CXCL17: variants seen among roughly 807,000 people sequenced by gnomAD.
The protein encoded by CXCL17 is C-X-C motif chemokine ligand 17.
Under a neutral mutation model 15.5 loss-of-function variants are expected in CXCL17, and 9 were observed. The ratio of observed to expected loss-of-function variants is 0.58; its 90% CI spans 0.35 to 1.01. The LOEUF is 1.01. Among genes scored for constraint, CXCL17 ranks in the 50% least tolerant of loss-of-function variants. The pLI is 0.02. For synonymous variants in CXCL17, 52 were observed against 52.3 expected, an observed-to-expected ratio of 0.99 and a Z score of 0.02; for missense variants, 133 against 138.2, an observed-to-expected ratio of 0.96 and a Z score of 0.19.
chr19:42,431,311 A>T (rs1351288892), intron 3 of CXCL17, among the ~76,000 whole-genome samples: 1 of 152,194 alleles, frequency 6.6e-6, no homozygotes, highest in African/African-American at 2.4e-5. Context: ...AATTCCTTAT[A>T]TATGTATTCT....
At chr19:42,433,956 T>C (rs1280524923) in intron 1 of CXCL17, 100 bp from the exon 2 acceptor site, 12 of 808,102 alleles carry the variant, frequency 1.5e-5, no homozygotes, top group Non-Finnish European at 2.4e-5. Context: ...CATTTTTCCA[T>C]TTTTACTTCA....
intron 1 of CXCL17, 44 bp from the exon 2 acceptor site, chr19:42,433,900 C>T: frequency 6.9e-7 from 1 of 1,442,090 alleles, no homozygotes; most frequent in Admixed American, 1.7e-5. Flanking sequence ...GGAAAGGGCA[C>T]AGAAATGATC....
At chr19:42,433,706 C>T in intron 2 of CXCL17, 70 bp downstream of exon 2, 1 of 1,336,772 alleles carries the variant, frequency 7.5e-7, no homozygotes, top group Admixed American at 1.7e-5. Context: ...GCATTGGTCT[C>T]AGAGGGGCCC....
intron 1 of CXCL17, among the ~76,000 whole-genome samples, chr19:42,437,874 T>A (rs999679868): frequency 2.0e-5 from 3 of 152,190 alleles, no homozygotes; most frequent in African/African-American, 7.2e-5. Context: ...TTTCCTAATT[T>A]GTAAGATGTG....
chr19:42,442,229 CTTTTTTTT>C (rs10527944), intron 1 of CXCL17, among the ~76,000 whole-genome samples: 1 of 122,108 alleles, frequency 8.2e-6, no homozygotes, highest in Non-Finnish European at 1.7e-5. Flanking sequence ...CTTTTCTTTC[CTTTTTTTT>C]TTTTTTTTTT....
chr19:42,429,644 G>A (rs1167354502), intron 3 of CXCL17, among the ~76,000 whole-genome samples: 1 of 151,990 alleles, frequency 6.6e-6, no homozygotes, highest in African/African-American at 2.4e-5. Flanking sequence ...TAATTTTTAT[G>A]AGAGTTTTAA....
At chr19:42,430,182 AC>A (rs1317420968) in intron 3 of CXCL17, among the ~76,000 whole-genome samples, 6 of 152,250 alleles carry the variant, frequency 3.9e-5, no homozygotes, top group Admixed American at 3.9e-4. Context: ...TGCAAAAAAA[AC>A]AACTGAATCT....
At chr19:42,432,955 A>T in intron 3 of CXCL17, 21 bp downstream of exon 3, 1 of 1,583,834 alleles carries the variant, frequency 6.3e-7, no homozygotes, top group Non-Finnish European at 8.7e-7. Flanking sequence ...GTATAAGGAA[A>T]ATCATCCTTT....
At chr19:42,438,119 G>A (rs1197753952) in intron 1 of CXCL17, among the ~76,000 whole-genome samples, 1 of 151,636 alleles carries the variant, frequency 6.6e-6, no homozygotes, top group Non-Finnish European at 1.5e-5. Flanking sequence ...AGCACTTTGG[G>A]AGGCCGAGGC....
rs34157586 is a variant in CXCL17, at chr19:42,438,354, C to CA, written c.79+4399dup. On this transcript the variant is annotated intron_variant, in intron 1 of 3. Coordinates refer to ENST00000601181, the MANE Select transcript of CXCL17 (RefSeq NM_198477.3). ...GCCTGGGCGACAAGAGACTCTGTCT[C>CA]AAAAAAAAAAAAAAAAAAAAAAAAA... Among the ~76,000 whole-genome samples, 121 of 17,462 alleles carry CA rather than the reference C, an allele frequency of 6.9e-3. 4 individuals carry two copies. Among genetic ancestry groups the CA allele is most frequent in the Non-Finnish European group, 8.2e-3 (102 of 12,450 alleles). 11.5% of individuals were successfully genotyped at this position (17,462 alleles called of 152,430 possible).
At chr19:42,431,772 C>T (rs2040783977) in intron 3 of CXCL17, among the ~76,000 whole-genome samples, 1 of 151,636 alleles carries the variant, frequency 6.6e-6, no homozygotes, top group Admixed American at 6.6e-5. Flanking sequence ...AGCTCCTTGG[C>T]TTACTGGATC....
chr19:42,435,043 G>A, intron 1 of CXCL17, among the ~76,000 whole-genome samples: 1 of 151,950 alleles, frequency 6.6e-6, no homozygotes, highest in Non-Finnish European at 1.5e-5. Flanking sequence ...GGCGGGCGTG[G>A]TGGCGGGCGC....
chr19:42,436,552 T>G lies in CXCL17; in HGVS notation c.80-2696A>C, dbSNP rs147306275. On this transcript the variant is annotated intron_variant, in intron 1 of 3. Transcript: ENST00000601181. ...AATTTTGAAAGTACAAACAGAGAAA[T>G]TATTATTCTTACCAACTGTTGGTAT... Among the ~76,000 whole-genome samples the G allele has an allele frequency of 3.9e-4, 59 of 152,110 alleles. 1 individual carries two copies. Among genetic ancestry groups the G allele is most frequent in the African/African-American group, 1.4e-3 (57 of 41,470 alleles).
intron 1 of CXCL17, among the ~76,000 whole-genome samples, chr19:42,435,301 A>G (rs1238811171): frequency 6.6e-6 from 1 of 152,170 alleles, no homozygotes; most frequent in African/African-American, 2.4e-5. Context: ...TCCTGTCAAC[A>G]TGAATTATAC....
At chr19:42,439,515 G>A (rs2040871465) in intron 1 of CXCL17, among the ~76,000 whole-genome samples, 1 of 151,956 alleles carries the variant, frequency 6.6e-6, no homozygotes. Flanking sequence ...TTTCCAAAGT[G>A]TCTCTCCACA....
chr19:42,431,885 T>G (rs1479078285), intron 3 of CXCL17, among the ~76,000 whole-genome samples: 1 of 151,972 alleles, frequency 6.6e-6, no homozygotes, highest in East Asian at 1.9e-4. Context: ...CAATTTGCCT[T>G]TGAAGAAAAT....
rs974265752 is a variant in CXCL17 at position 42,428,371 on chromosome 19, A to C, written c.*513T>G. Reference sequence around the variant, plus strand: ...TGTCCCACCTCGCTCTTACCTCAGAAAGATTTGTCGAATGAGTGAAAGATG... The same window carrying C: ...TGTCCCACCTCGCTCTTACCTCAGACAGATTTGTCGAATGAGTGAAAGATG... On this transcript the variant is annotated 3_prime_UTR_variant, in exon 4 of 4. Coordinates refer to ENST00000601181, the MANE Select transcript of CXCL17 (RefSeq NM_198477.3). 1.3e-5 allele frequency: 2 copies of C among 151,958 alleles called. No homozygotes were observed. Among genetic ancestry groups the C allele is most frequent in the African/African-American group, 4.8e-5 (2 of 41,306 alleles). 9.4% of individuals were successfully genotyped at this position (151,958 alleles called of 1,614,324 possible). A position where few individuals can be genotyped will look rare whatever the true frequency, so the allele number is the denominator to read the frequency against.
At chr19:42,434,661 C>T (rs1257276191) in intron 1 of CXCL17, among the ~76,000 whole-genome samples, 4 of 151,962 alleles carry the variant, frequency 2.6e-5, no homozygotes, top group South Asian at 2.1e-4. Context: ...AGCTCATGGG[C>T]GTAAGCGATC....
At chr19:42,433,912 T>C (rs1285459250) in intron 1 of CXCL17, 56 bp from the exon 2 acceptor site, 3 of 1,369,626 alleles carry the variant, frequency 2.2e-6, no homozygotes, top group East Asian at 4.6e-5. Flanking sequence ...GAAATGATCC[T>C]CCCAGCATTG....
Sources: allele counts gnomAD v4.1 joint callset (sites outside exome capture counted in the v4.1 genomes callset), GRCh38; gene constraint gnomAD v4.1.1; transcripts MANE v1.5; gene names NCBI Gene and HGNC (gene_info 2026-07-23, HGNC 2026-07-21).